GOLGA6L9: variants seen among roughly 807,000 people sequenced by gnomAD.
GOLGA6L9 encodes golgin A6 family like 9, also known as golgin subfamily A member 6-like protein 9.
A neutral mutation model predicts 51.3 loss-of-function variants in GOLGA6L9; 19 were observed. The ratio of observed to expected loss-of-function variants is 0.37; its 90% confidence interval spans 0.26 to 0.54. GOLGA6L9 has a LOEUF of 0.54. GOLGA6L9 is among the 20% of genes least tolerant of loss of function. The pLI, the probability that GOLGA6L9 is intolerant of heterozygous loss-of-function variation, is 0.83. For synonymous variants in GOLGA6L9, 97 were observed against 184.2 expected (o/e 0.53, Z 3.83); for missense variants, 247 against 464.1 (o/e 0.53, Z 4.30).
At chr15:82,433,400 G>A (rs1454088028) in intron 4 of GOLGA6L9, among the ~76,000 whole-genome samples, 162 bp from the exon 5 acceptor site, 1 of 152,034 alleles carries the variant, frequency 6.6e-6, no homozygotes, top group African/African-American at 2.4e-5. Flanking sequence ...CTGCTATGAA[G>A]AACTGTACCT....
chr15:82,420,569 A>G, the GOLGA6L9 span, among the ~76,000 whole-genome samples: 2 of 152,122 alleles, frequency 1.3e-5, no homozygotes, highest in African/African-American at 2.4e-5. Flanking sequence ...AAAAGAGGGT[A>G]TTATTAATAT....
chr15:82,420,430 T>C, the GOLGA6L9 span, among the ~76,000 whole-genome samples: 1 of 151,986 alleles, frequency 6.6e-6, no homozygotes. Flanking sequence ...CCTGATGAAC[T>C]TTTATGTGCT....
chr15:82,424,321 C>T, the GOLGA6L9 span, among the ~76,000 whole-genome samples: 1 of 151,906 alleles, frequency 6.6e-6, no homozygotes, highest in Admixed American at 6.6e-5. Context: ...ATCCGCCCAC[C>T]TTGGCCTCCC....
intron 4 of GOLGA6L9, among the ~76,000 whole-genome samples, chr15:82,433,145 G>C (rs1391380144): frequency 1.3e-5 from 2 of 151,128 alleles, no homozygotes; most frequent in Admixed American, 1.3e-4. Flanking sequence ...ATGCCCTGGG[G>C]TTGTCACCTC....
chr15:82,427,739 G>A (rs2150823963), upstream of GOLGA6L9, among the ~76,000 whole-genome samples: 1 of 148,992 alleles, frequency 6.7e-6, no homozygotes, highest in East Asian at 2.0e-4. Flanking sequence ...TGCTGCCCAG[G>A]CTAGTCTTGA....
In GOLGA6L9 at chr15:82,432,604, A is replaced by G; in HGVS notation, c.237A>G (p.Ala79=). 6.2e-7 allele frequency: 1 copy of G among 1,604,634 alleles called. No individual in the cohort carries two copies. The highest frequency in any genetic ancestry group is 2.2e-5 in the East Asian group (1 of 44,854). ...CAGGTATCTACGGGGAGGGCCGTGC[A>G]TCCTCTACTACCCTGCAGGATCTGG... ...SATGIYGEGR[A]SSTTLQDLES... is the part of the protein sequence containing the mutation. The change falls in exon 3 of 9, where the codon GCA becomes GCG. Residue 79 remains alanine, a synonymous_variant. Coordinates refer to ENST00000618348, the MANE Select transcript of GOLGA6L9 (RefSeq NM_198181.4).
the GOLGA6L9 span, chr15:82,419,888 C>T: frequency 0.031 from 6,486 of 209,146 alleles, 134 homozygotes; most frequent in Non-Finnish European, 0.048. Context: ...CACTGGTCTG[C>T]TACTGTTAAG....
the GOLGA6L9 span, among the ~76,000 whole-genome samples, chr15:82,420,590 T>C: frequency 7.9e-5 from 12 of 152,256 alleles, no homozygotes; most frequent in South Asian, 4.1e-4. Context: ...CTGCATTTTA[T>C]GGATGAGGCA....
At chr15:82,429,512 C>T (rs1221527557), upstream of GOLGA6L9, among the ~76,000 whole-genome samples, 3 of 152,118 alleles carry the variant, frequency 2.0e-5, no homozygotes, top group Non-Finnish European at 4.4e-5. Context: ...ATTGGAATGT[C>T]GGATACTATA....
Position 82,436,513 on chromosome 15 carries a change from T to A in GOLGA6L9, c.*102T>A. ...TGAATGTTAGAGCCACTTATGTTTG[T>A]GTTTCTAATTTATAGTTTAAATTTA... On this transcript the variant is annotated 3_prime_UTR_variant, in exon 9 of 9. Coordinates refer to ENST00000618348, the MANE Select transcript of GOLGA6L9 (RefSeq NM_198181.4). 6.7e-7 allele frequency: 1 copy of A among 1,484,674 alleles called. No individual in the cohort carries two copies. The highest frequency in any genetic ancestry group is 1.3e-5 in the South Asian group (1 of 78,844). The allele number at this position is 1,484,674 out of a possible 1,614,324, so 92.0% of individuals were successfully genotyped here.
chr15:82,432,916 C>A lies in GOLGA6L9; in HGVS notation c.345+19C>A. On this transcript the variant is annotated intron_variant, in intron 4 of 8. Transcript: ENST00000618348. ...TTCACTGGTAAGAGTCCAGTGGGGT[C>A]CCCTGATTACAGCTGGTCAATCCTG... is the stretch of plus-strand genomic sequence containing the variant. 3.8e-6 allele frequency: 6 copies of A among 1,597,936 alleles called. No homozygotes were observed. Among genetic ancestry groups the A allele is most frequent in the Non-Finnish European group, 5.1e-6 (6 of 1,167,916 alleles).
In GOLGA6L9 at chr15:82,438,320, C is replaced by A. The variant is rs2896011; in HGVS notation, c.*1909C>A. The A allele has an allele frequency of 3.3e-4, 50 of 150,446 alleles. No homozygotes were observed. The East Asian group carries it at 4.2e-3, about 13-fold the overall frequency. 9.3% of individuals were successfully genotyped at this position (150,446 alleles called of 1,614,324 possible). The stretch of plus-strand genomic sequence containing the variant: ...TAAATCACATACTGGCATATTTAAG[C>A]TGAATGTCAGTCTGAAAAATAAATG... On this transcript the variant is annotated 3_prime_UTR_variant, in exon 9 of 9. Transcript: ENST00000618348.
At chr15:82,429,070 T>C (rs1296266859), upstream of GOLGA6L9, among the ~76,000 whole-genome samples, 1 of 147,398 alleles carries the variant, frequency 6.8e-6, no homozygotes, top group Non-Finnish European at 1.5e-5. Flanking sequence ...TTGTATCTTA[T>C]TTTATTTTAT....
upstream of GOLGA6L9, among the ~76,000 whole-genome samples, chr15:82,427,334 TTC>T (rs1165125788): frequency 2.7e-4 from 40 of 147,396 alleles, no homozygotes; most frequent in African/African-American, 7.8e-4. Context: ...TTCTTTTTCT[TTC>T]TCTCTTTTTC....
upstream of GOLGA6L9, among the ~76,000 whole-genome samples, chr15:82,429,049 TCC>T (rs1450088113): frequency 2.6e-5 from 4 of 152,162 alleles, no homozygotes; most frequent in African/African-American, 9.7e-5. Flanking sequence ...AGTTTTGTGT[TCC>T]TACTTATTTT....
At chr15:82,433,317 A>G (rs2031495567) in intron 4 of GOLGA6L9, among the ~76,000 whole-genome samples, 1 of 152,050 alleles carries the variant, frequency 6.6e-6, no homozygotes, top group South Asian at 2.1e-4. Flanking sequence ...TCTGAAAGTC[A>G]GAGATTTAAA....
Position 82,439,147 on chromosome 15 carries a change from C to T in GOLGA6L9, c.*2736C>T, listed in dbSNP as rs1217971872. On this transcript the variant is annotated 3_prime_UTR_variant, in exon 9 of 9. Transcript: ENST00000618348. ...AAATTGTTTCAAGGTGCTGTTTTGC[C>T]TAAAAATTTTGTGTGTCTTGAAAAC... is the stretch of plus-strand genomic sequence containing the variant. 1 of 150,806 alleles carries T rather than the reference C, an allele frequency of 6.6e-6. No individual in the cohort carries two copies. The highest frequency in any genetic ancestry group is 6.6e-5 in the Admixed American group (1 of 15,142). 9.3% of individuals were successfully genotyped at this position (150,806 alleles called of 1,614,324 possible).
chr15:82,418,372 C>T, the GOLGA6L9 span, among the ~76,000 whole-genome samples: 1 of 152,062 alleles, frequency 6.6e-6, no homozygotes, highest in South Asian at 2.1e-4. Flanking sequence ...TGGGCAGAGC[C>T]CCGGAGGACA....
rs2031688421 is a variant in GOLGA6L9 at position 82,436,559 on chromosome 15, T to C, written c.*148T>C. On this transcript the variant is annotated 3_prime_UTR_variant, in exon 9 of 9. Coordinates refer to ENST00000618348, the MANE Select transcript of GOLGA6L9 (RefSeq NM_198181.4). ...ATTTATTTGTGTTTCTAATTTATAG[T>C]TTAAATTTATTTGTTTCTAATTTAT... 2.2e-6 allele frequency: 2 copies of C among 894,378 alleles called. No individual in the cohort carries two copies. Among genetic ancestry groups the C allele is most frequent in the East Asian group, 5.5e-5 (2 of 36,500 alleles). 55.4% of individuals were successfully genotyped at this position (894,378 alleles called of 1,614,324 possible).
Sources: gnomAD v4.1 joint callset for allele counts (sites outside exome capture counted in the v4.1 genomes callset) on GRCh38, gnomAD v4.1.1 for gene constraint, MANE v1.5 for transcripts, NCBI Gene and HGNC (gene_info 2026-07-23, HGNC 2026-07-21) for gene names.